GMDS: variants seen among roughly 807,000 people sequenced by gnomAD.
GMDS encodes the protein GDP-mannose 4,6-dehydratase.
GMDS carries 20 observed loss-of-function variants against 49.9 expected under a neutral mutation model. That is an observed-to-expected ratio of 0.40 (90% confidence interval 0.28 to 0.58). The LOEUF (loss-of-function observed/expected upper bound fraction) is 0.58. Ranked by LOEUF, GMDS falls within the 20% of genes least tolerant of loss-of-function variation. GMDS has a pLI of 0.42. For synonymous variants in GMDS, 177 were observed against 178.6 expected, an observed-to-expected ratio of 0.99 and a Z score of 0.07; for missense variants, 362 against 481.4, an observed-to-expected ratio of 0.75 and a Z score of 2.32.
rs1765152447 is a variant in GMDS at position 1,980,372 on chromosome 6, GA to G, written c.346-19407del. On this transcript the variant is annotated intron_variant, in intron 4 of 10. Transcript: ENST00000380815. The stretch of plus-strand genomic sequence containing the variant: ...AAAGTTACCAAGCAAATGGAAAACA[GA>G]AAAAAGCAGGGGTTGCAATCCTAGT... Among the ~76,000 whole-genome samples the G allele has an allele frequency of 2.0e-5, 3 of 151,020 alleles. 1 individual carries two copies. The South Asian group carries it at 6.3e-4, about 32-fold the overall frequency.
chr6:2,032,297 C>G (rs1561991263), intron 4 of GMDS, among the ~76,000 whole-genome samples: 1 of 152,116 alleles, frequency 6.6e-6, no homozygotes, highest in Non-Finnish European at 1.5e-5. Context: ...GTCAAGGATG[C>G]CTTAAGAGAC....
intron 4 of GMDS, among the ~76,000 whole-genome samples, chr6:2,046,397 T>TAAC (rs1770016850): frequency 1.3e-5 from 2 of 152,328 alleles, no homozygotes; most frequent in South Asian, 4.1e-4. Context: ...ACCTAAAAAG[T>TAAC]AACACATTTA....
chr6:2,169,755 C>T (rs767786801), intron 1 of GMDS, among the ~76,000 whole-genome samples: 3 of 152,072 alleles, frequency 2.0e-5, no homozygotes, highest in Non-Finnish European at 4.4e-5. Context: ...TTTTAACTTA[C>T]ACAACTCCTA....
At chr6:2,092,111 T>C (rs1773352300) in intron 4 of GMDS, among the ~76,000 whole-genome samples, 1 of 152,172 alleles carries the variant, frequency 6.6e-6, no homozygotes, top group African/African-American at 2.4e-5. Context: ...AAATAATATG[T>C]GTAAAATAAG....
intron 9 of GMDS, among the ~76,000 whole-genome samples, chr6:1,667,513 A>C (rs183196935): frequency 1.3e-5 from 2 of 152,282 alleles, no homozygotes; most frequent in African/African-American, 4.8e-5. Flanking sequence ...ACTAAGCCTA[A>C]ACATTTTTTA....
chr6:1,666,816 G>A (rs942704343), intron 9 of GMDS, among the ~76,000 whole-genome samples: 5 of 152,192 alleles, frequency 3.3e-5, no homozygotes. Context: ...TGGAGACTGG[G>A]AACTAACTTC....
intron 1 of GMDS, among the ~76,000 whole-genome samples, chr6:2,174,932 T>C (rs1231586699): frequency 6.6e-6 from 1 of 152,104 alleles, no homozygotes; most frequent in Admixed American, 6.6e-5. Flanking sequence ...GGATAAGACA[T>C]GCACCTGGGA....
chr6:1,638,045 C>T (rs1763217217), intron 9 of GMDS, among the ~76,000 whole-genome samples: 1 of 152,240 alleles, frequency 6.6e-6, no homozygotes, highest in Non-Finnish European at 1.5e-5. Flanking sequence ...GCCATGCGTT[C>T]ACCACCAGGT....
intron 9 of GMDS, among the ~76,000 whole-genome samples, chr6:1,626,453 T>G (rs1246254208): frequency 6.6e-6 from 1 of 152,198 alleles, no homozygotes; most frequent in East Asian, 1.9e-4. Context: ...AGTAATTTAT[T>G]TTTCTTTCCC....
chr6:1,917,053 T>C (rs1761442115), intron 7 of GMDS, among the ~76,000 whole-genome samples: 1 of 152,214 alleles, frequency 6.6e-6, no homozygotes, highest in African/African-American at 2.4e-5. Flanking sequence ...CACATGTGGC[T>C]CCTCAGATGT....
chr6:1,639,732 G>T (rs1192532848), intron 9 of GMDS, among the ~76,000 whole-genome samples: 1 of 152,232 alleles, frequency 6.6e-6, no homozygotes, highest in Non-Finnish European at 1.5e-5. Context: ...ACAAAAACCA[G>T]CCGGGTGTGG....
At chr6:2,148,663 G>A (rs749491552) in intron 1 of GMDS, among the ~76,000 whole-genome samples, 55 of 152,116 alleles carry the variant, frequency 3.6e-4, no homozygotes, top group Admixed American at 6.5e-4. Context: ...CAGGTGATCC[G>A]CCCGCCTTGG....
chr6:1,954,701 A>C (rs1447161414), intron 6 of GMDS, among the ~76,000 whole-genome samples: 1 of 152,238 alleles, frequency 6.6e-6, no homozygotes, highest in African/African-American at 2.4e-5. Context: ...TGCACACGAT[A>C]AAAGCAGTCA....
At chr6:1,787,130 T>C (rs934490012) in intron 7 of GMDS, among the ~76,000 whole-genome samples, 2 of 152,334 alleles carry the variant, frequency 1.3e-5, no homozygotes, top group Middle Eastern at 3.4e-3. Context: ...TGGGTATGCC[T>C]TAATCTCTCC....
intron 7 of GMDS, among the ~76,000 whole-genome samples, chr6:1,793,980 G>A (rs559553675): frequency 1.3e-5 from 2 of 152,298 alleles, no homozygotes; most frequent in East Asian, 1.9e-4. Context: ...ACACACTTAC[G>A]TGGGAATAAC....
intron 9 of GMDS, among the ~76,000 whole-genome samples, chr6:1,657,852 G>GC: frequency 8.8e-5 from 1 of 11,380 alleles, no homozygotes; most frequent in Middle Eastern, 0.042. Context: ...AAGAACTCAA[G>GC]CAAAAAAAAA....
At chr6:1,634,419 C>A (rs946755016) in intron 9 of GMDS, among the ~76,000 whole-genome samples, 8 of 152,202 alleles carry the variant, frequency 5.3e-5, no homozygotes, top group Non-Finnish European at 1.2e-4. Flanking sequence ...TTCTCCTTTC[C>A]CAGTAGCTCT....
At chr6:1,912,734 A>G (rs1323974664) in intron 7 of GMDS, among the ~76,000 whole-genome samples, 1 of 152,238 alleles carries the variant, frequency 6.6e-6, no homozygotes, top group Non-Finnish European at 1.5e-5. Context: ...GTTTCTAAAA[A>G]CAAAGATTTA....
In GMDS at chr6:2,055,116, A is replaced by C. The variant is rs1770704386; in HGVS notation, c.345+60655T>G. Among the ~76,000 whole-genome samples, 3 of 152,132 alleles carry C rather than the reference A, an allele frequency of 2.0e-5. No homozygotes were observed. In the South Asian group the frequency reaches 6.2e-4, roughly 32 times the overall value. On this transcript the variant is annotated intron_variant, in intron 4 of 10. Coordinates refer to ENST00000380815, the MANE Select transcript of GMDS (RefSeq NM_001500.4). ...CAGATTGGTGATGACAGAGTCAGTAAAGACTTTCCTGTAAAGATAGAGCGA... is the reference window on the plus strand; with the variant it reads ...CAGATTGGTGATGACAGAGTCAGTACAGACTTTCCTGTAAAGATAGAGCGA...
Sources: allele counts gnomAD v4.1 joint callset (sites outside exome capture counted in the v4.1 genomes callset), GRCh38; gene constraint gnomAD v4.1.1; transcripts MANE v1.5; gene names NCBI Gene and HGNC (gene_info 2026-07-23, HGNC 2026-07-21).